The following NUP214 variants were observed in gnomAD, a reference collection of about 807,000 sequenced individuals.
NUP214 encodes nuclear pore complex protein Nup214.
NUP214 carries 79 observed loss-of-function variants against 196.2 expected under a neutral mutation model. That is an observed-to-expected ratio of 0.40 (90% CI 0.34 to 0.49). The LOEUF is 0.49. Ranked by LOEUF, NUP214 falls within the 20% of genes least tolerant of loss-of-function variation. NUP214 has a pLI of 0.58. For missense variants in NUP214, 2,468 were observed against 2,539.0 expected, an observed-to-expected ratio of 0.97 and a Z score of 0.60; for synonymous variants, 1,020 against 990.5, an observed-to-expected ratio of 1.03 and a Z score of -0.56.
chr9:131,186,402 A>C (rs114289205), intron 24 of NUP214, among the ~76,000 whole-genome samples: 1 of 152,200 alleles, frequency 6.6e-6, no homozygotes, highest in East Asian at 1.9e-4. Flanking sequence ...GCTGTTTGAT[A>C]ATTTTCTTCC....
chr9:131,230,774 G>A lies in NUP214; in HGVS notation c.6214+5G>A, dbSNP rs760654444. ...GTTTTGGATCAGGCACAGGAGGTAAGCTGCCACAAGTTCTCCCCTCACAAG... is the reference window on the plus strand; with the variant it reads ...GTTTTGGATCAGGCACAGGAGGTAAACTGCCACAAGTTCTCCCCTCACAAG... On this transcript the variant is annotated splice_donor_5th_base_variant and intron_variant, in intron 34 of 35. Transcript: ENST00000359428. The A allele has an allele frequency of 1.9e-6, 3 of 1,611,358 alleles. No individual in the cohort carries two copies. Among genetic ancestry groups the A allele is most frequent in the African/African-American group, 2.7e-5 (2 of 74,888 alleles).
chr9:131,182,944 G>C (rs1250034086), intron 24 of NUP214, among the ~76,000 whole-genome samples: 1 of 152,092 alleles, frequency 6.6e-6, no homozygotes, highest in Non-Finnish European at 1.5e-5. Flanking sequence ...GTCTTCAAGT[G>C]ATACTATATT....
In NUP214 at chr9:131,144,367, C is replaced by T. The variant is rs560070513; in HGVS notation, c.1382C>T (p.Ser461Leu). The T allele has an allele frequency of 2.4e-5, 38 of 1,614,212 alleles. No individual in the cohort carries two copies. In the East Asian group the frequency reaches 8.5e-4, roughly 36 times the overall value. ...AAAAPASLPP[S>L]SPAAPIATFS... ...GCAGCCCCTGCCTCTCTGCCACCTT[C>T]ATCACCTGCTGCTCCCATTGCCACT... Residue 461 changes from serine to leucine, a missense_variant, in exon 12 of 36, where the codon TCA becomes TTA. Transcript: ENST00000359428.
intron 14 of NUP214, 85 bp downstream of exon 14, chr9:131,147,669 T>C (rs1443890357): frequency 4.7e-6 from 5 of 1,054,670 alleles, no homozygotes; most frequent in Non-Finnish European, 7.3e-6. Context: ...TTTTCATGTT[T>C]TATAATTCAG....
Position 131,132,695 on chromosome 9 carries a change from T to A in NUP214, c.727+36T>A, listed in dbSNP as rs372033065. ...CTTTTCTTATTGGGCTGACCTCTAA[T>A]GACATGTTATGTATATTACAGAAAT... On this transcript the variant is annotated intron_variant, in intron 6 of 35. Coordinates refer to ENST00000359428, the MANE Select transcript of NUP214 (RefSeq NM_005085.4). The A allele has an allele frequency of 3.9e-5, 60 of 1,535,732 alleles. No individual in the cohort carries two copies. The African/African-American group carries it at 7.8e-4, about 20-fold the overall frequency.
chr9:131,218,271 G>A (rs1471519136), intron 31 of NUP214, among the ~76,000 whole-genome samples: 1 of 152,166 alleles, frequency 6.6e-6, no homozygotes. Context: ...AATAGTGAAA[G>A]GGACAGGAAT....
At chr9:131,231,578 AAAT>A (rs1834879746) in intron 34 of NUP214, among the ~76,000 whole-genome samples, 1 of 151,856 alleles carries the variant, frequency 6.6e-6, no homozygotes, top group Non-Finnish European at 1.5e-5. Context: ...GAGAAGCCCA[AAAT>A]AATAATGGTC....
intron 30 of NUP214, among the ~76,000 whole-genome samples, chr9:131,203,464 T>C (rs1164296799): frequency 2.0e-5 from 3 of 152,188 alleles, no homozygotes; most frequent in Non-Finnish European, 4.4e-5. Context: ...TCAGAAAGGA[T>C]TGTGACTTTC....
At chr9:131,135,161 C>A in intron 8 of NUP214, 157 bp downstream of exon 8, 1 of 555,382 alleles carries the variant, frequency 1.8e-6, no homozygotes, top group Non-Finnish European at 3.2e-6. Flanking sequence ...ACGATTGTAG[C>A]TCACAGAAGC....
chr9:131,130,138 T>G (rs926910101), intron 4 of NUP214, among the ~76,000 whole-genome samples: 78 of 8,346 alleles, frequency 9.3e-3, no homozygotes, highest in African/African-American at 0.014. Context: ...TCTGGTTTTG[T>G]TTTTTTTTTT....
chr9:131,194,289 C>G (rs527292779), intron 27 of NUP214: 3 of 151,644 alleles, frequency 2.0e-5, no homozygotes, highest in African/African-American at 7.3e-5. Flanking sequence ...CTGCCTTAGC[C>G]CCCCGAATAA....
intron 18 of NUP214, among the ~76,000 whole-genome samples, chr9:131,159,852 C>T (rs561142679): frequency 1.3e-5 from 2 of 150,360 alleles, no homozygotes; most frequent in Admixed American, 6.6e-5. Flanking sequence ...AGCGAAATTC[C>T]CATCTCAAAA....
At position 131,144,542 on chromosome 9, in the gene NUP214, C is replaced by A; in HGVS notation, c.1557C>A (p.Thr519=). The A allele has an allele frequency of 6.2e-7, 1 of 1,614,178 alleles. No homozygotes were observed. Among genetic ancestry groups the A allele is most frequent in the Non-Finnish European group, 8.5e-7 (1 of 1,180,030 alleles). ...SKAAPGPGPS[T]FSFVPPSKAS... ...CAGCCCCAGGCCCTGGCCCATCAAC[C>A]TTCTCTTTTGTTCCCCCTTCTAAAG... Residue 519 remains threonine, a synonymous_variant, in exon 12 of 36, where the codon ACC becomes ACA. Coordinates refer to ENST00000359428, the MANE Select transcript of NUP214 (RefSeq NM_005085.4).
In NUP214 at chr9:131,234,415, T is replaced by A. The variant is rs953851546; in HGVS notation, c.*928T>A. 6.9e-5 allele frequency: 16 copies of A among 232,252 alleles called. No individual in the cohort carries two copies. Among genetic ancestry groups the A allele is most frequent in the African/African-American group, 3.3e-4 (15 of 45,272 alleles). 14.4% of individuals were successfully genotyped at this position (232,252 alleles called of 1,614,324 possible). On this transcript the variant is annotated 3_prime_UTR_variant, in exon 36 of 36. Coordinates refer to ENST00000359428, the MANE Select transcript of NUP214 (RefSeq NM_005085.4). ...CCAGAGCTCATCACTGCAGTTTTAT[T>A]AGAGTGCTTCTTTATCTTTAATGCA...
In NUP214 at chr9:131,232,201, G is replaced by A. The variant is rs1383956631; in HGVS notation, c.6215-83G>A. On this transcript the variant is annotated intron_variant, in intron 34 of 35. Coordinates refer to ENST00000359428, the MANE Select transcript of NUP214 (RefSeq NM_005085.4). This position sits in a 1 kb window ranked among gnomAD's most constrained non-coding sequence, Gnocchi z 5.1. ...GAGGGCTTCCCACAAGAAGCACAGA[G>A]GAGGGCAGACACTTAGCATGGGGAC... 181 of 1,460,432 alleles carry A rather than the reference G, an allele frequency of 1.2e-4. 3 individuals carry two copies. In the South Asian group the frequency reaches 1.8e-3, roughly 14 times the overall value. 90.5% of individuals were successfully genotyped at this position (1,460,432 alleles called of 1,614,324 possible).
Position 131,187,383 on chromosome 9 carries a change from CTTTTTT to C in NUP214, c.3495+35_3495+40del, listed in dbSNP as rs528695111. ...CAAGCAGGTAACTTACTGATTTTTA[CTTTTTT>C]TTTTTTTTTTTTTTTGAGACAGAGT... On this transcript the variant is annotated intron_variant, in intron 25 of 35. Coordinates refer to ENST00000359428, the MANE Select transcript of NUP214 (RefSeq NM_005085.4). 148 of 1,055,874 alleles carry C rather than the reference CTTTTTT, an allele frequency of 1.4e-4. No homozygotes were observed. The highest frequency in any genetic ancestry group is 3.2e-4 in the Middle Eastern group (1 of 3,170). The allele number at this position is 1,055,874 out of a possible 1,614,324, so 65.4% of individuals were successfully genotyped here. A position where few individuals can be genotyped will look rare whatever the true frequency, so the allele number is the denominator to read the frequency against.
At chr9:131,224,520 G>A (rs73658941) in intron 32 of NUP214, among the ~76,000 whole-genome samples, 131 of 152,298 alleles carry the variant, frequency 8.6e-4, no homozygotes, top group African/African-American at 3.1e-3. Flanking sequence ...GCTAATTCCA[G>A]AGGAAGGATC....
intron 5 of NUP214, among the ~76,000 whole-genome samples, chr9:131,132,196 C>T (rs772259620): frequency 1.2e-4 from 18 of 149,272 alleles, no homozygotes; most frequent in Middle Eastern, 3.4e-3. Flanking sequence ...TTCAGCTCAC[C>T]GCAACCTATG....
At chr9:131,129,169 A>G in intron 3 of NUP214, 110 bp from the exon 4 acceptor site, 1 of 898,714 alleles carries the variant, frequency 1.1e-6, no homozygotes, top group Non-Finnish European at 1.7e-6. Context: ...ATGGAGAAAA[A>G]TAAACTGATT....
Sources: allele counts gnomAD v4.1 joint callset (sites outside exome capture counted in the v4.1 genomes callset), GRCh38; gene constraint gnomAD v4.1.1; non-coding constraint Gnocchi (gnomAD v3.1); transcripts MANE v1.5; gene names NCBI Gene and HGNC (gene_info 2026-07-23, HGNC 2026-07-21).